Variants in SLC35D4 observed in about 807,000 individuals in gnomAD.
The protein encoded by SLC35D4 is UDP-N-acetylglucosamine transporter SLC35D4.
chr18:23,342,884 C>A, the SLC35D4 span, among the ~76,000 whole-genome samples: 1 of 152,010 alleles, frequency 6.6e-6, no homozygotes, highest in Non-Finnish European at 1.5e-5. Flanking sequence ...AATATCTGTT[C>A]ATGTGTTTAG....
chr18:23,436,481 G>C, the SLC35D4 span, among the ~76,000 whole-genome samples: 11 of 152,018 alleles, frequency 7.2e-5, no homozygotes, highest in Non-Finnish European at 1.5e-5. Flanking sequence ...ACCTTCAAAG[G>C]CTTATCGCCA....
the SLC35D4 span, among the ~76,000 whole-genome samples, chr18:23,408,148 GAC>G: frequency 0.72 from 98,113 of 136,146 alleles, 35,059 homozygotes; most frequent in Non-Finnish European, 0.83. Flanking sequence ...ACTGGCCTGA[GAC>G]ACACACACAC....
chr18:23,238,774 AT>A, the SLC35D4 span, among the ~76,000 whole-genome samples: 1 of 152,214 alleles, frequency 6.6e-6, no homozygotes, highest in Non-Finnish European at 1.5e-5. Flanking sequence ...TTCCTAGTTG[AT>A]AGACAGGAAA....
At chr18:23,327,631 G>A in the SLC35D4 span, among the ~76,000 whole-genome samples, 6 of 152,120 alleles carry the variant, frequency 3.9e-5, no homozygotes, top group Non-Finnish European at 5.9e-5. Context: ...ACAAAGAGGA[G>A]CTGGTACCAT....
the SLC35D4 span, chr18:23,252,984 C>G: frequency 1.9e-6 from 3 of 1,612,596 alleles, no homozygotes; most frequent in African/African-American, 4.0e-5. Flanking sequence ...CTACGTGAAG[C>G]CCTCGGATCT....
the SLC35D4 span, among the ~76,000 whole-genome samples, chr18:23,248,512 CTTTTTTTTTTT>C: frequency 3.3e-5 from 3 of 90,712 alleles, no homozygotes; most frequent in Non-Finnish European, 4.3e-5. Context: ...GACCCTATGT[CTTTTTTTTTTT>C]TTTTTTTTTT....
chr18:23,298,224 G>A, the SLC35D4 span, among the ~76,000 whole-genome samples: 4 of 152,152 alleles, frequency 2.6e-5, no homozygotes, highest in Non-Finnish European at 4.4e-5. Flanking sequence ...CCCAGGAATC[G>A]CTCCTATCCC....
chr18:23,252,341 G>A, the SLC35D4 span, among the ~76,000 whole-genome samples: 10 of 152,102 alleles, frequency 6.6e-5, no homozygotes, highest in African/African-American at 1.2e-4. Flanking sequence ...TGAATGGTAC[G>A]CCTAGAAATG....
the SLC35D4 span, among the ~76,000 whole-genome samples, chr18:23,418,984 G>T: frequency 6.6e-6 from 1 of 151,602 alleles, no homozygotes; most frequent in African/African-American, 2.4e-5. Context: ...CTCCAGCCTG[G>T]GTGACAGAGC....
At chr18:23,308,876 C>CTCTCTCTCTGTGTGTGTG in the SLC35D4 span, among the ~76,000 whole-genome samples, 1 of 140,106 alleles carries the variant, frequency 7.1e-6, no homozygotes, top group South Asian at 2.4e-4. Context: ...CTCTCTCTCT[C>CTCTCTCTCTGTGTGTGTG]TGTGTGTGTG....
At chr18:23,416,748 T>C in the SLC35D4 span, among the ~76,000 whole-genome samples, 1 of 152,200 alleles carries the variant, frequency 6.6e-6, no homozygotes, top group Non-Finnish European at 1.5e-5. Flanking sequence ...AAAAGACTTC[T>C]GTGGAGTTTA....
the SLC35D4 span, among the ~76,000 whole-genome samples, chr18:23,289,210 T>A: frequency 6.6e-6 from 1 of 152,236 alleles, no homozygotes. Flanking sequence ...TGATATCTCC[T>A]GGTGCTATCC....
At chr18:23,275,780 C>T in the SLC35D4 span, among the ~76,000 whole-genome samples, 1 of 151,962 alleles carries the variant, frequency 6.6e-6, no homozygotes, top group Non-Finnish European at 1.5e-5. Context: ...CTCTCCCATC[C>T]CTGGTGGGCT....
the SLC35D4 span, among the ~76,000 whole-genome samples, chr18:23,404,108 C>T: frequency 6.6e-6 from 1 of 152,128 alleles, no homozygotes; most frequent in Non-Finnish European, 1.5e-5. Flanking sequence ...TAGAGCAAGA[C>T]TCTGTCTCAG....
At chr18:23,412,815 G>A in the SLC35D4 span, among the ~76,000 whole-genome samples, 1 of 152,138 alleles carries the variant, frequency 6.6e-6, no homozygotes, top group African/African-American at 2.4e-5. Flanking sequence ...CTATTTCTAT[G>A]CTCTAACAGC....
At chr18:23,402,107 G>C in the SLC35D4 span, among the ~76,000 whole-genome samples, 1 of 152,172 alleles carries the variant, frequency 6.6e-6, no homozygotes, top group Non-Finnish European at 1.5e-5. Flanking sequence ...ACACAGGAGA[G>C]GCAGTGGACT....
the SLC35D4 span, chr18:23,257,482 CGACATAGT>C: frequency 1.7e-6 from 2 of 1,209,764 alleles, no homozygotes; most frequent in Non-Finnish European, 2.2e-6. Context: ...TTCTTCCTCT[CGACATAGT>C]TTGGGGAGAA....
the SLC35D4 span, chr18:23,310,229 C>CA: frequency 1.0e-6 from 1 of 985,398 alleles, no homozygotes; most frequent in Non-Finnish European, 1.2e-6. Context: ...CTAATGCTCC[C>CA]ATCTTTCTGA....
the SLC35D4 span, among the ~76,000 whole-genome samples, chr18:23,409,926 A>T: frequency 1.3e-5 from 2 of 152,116 alleles, no homozygotes; most frequent in Admixed American, 6.6e-5. Context: ...TTCTCTAAAC[A>T]ATACAGCGTA....
Sources: gnomAD v4.1 joint callset for allele counts (sites outside exome capture counted in the v4.1 genomes callset) on GRCh38, gnomAD v4.1.1 for gene constraint, MANE v1.5 for transcripts, NCBI Gene and HGNC (gene_info 2026-07-23, HGNC 2026-07-21) for gene names.